Variants in ZNF93 observed in about 807,000 individuals in gnomAD.
ZNF93 encodes zinc finger protein 505.
ZNF93 carries 29 observed loss-of-function variants against 45.0 expected under a neutral mutation model. The ratio of observed to expected loss-of-function variants is 0.64; its 90% CI spans 0.48 to 0.88. The LOEUF (loss-of-function observed/expected upper bound fraction) is 0.88, where lower values mean the gene tolerates loss of function less well. Ranked by LOEUF, ZNF93 falls within the 40% of genes least tolerant of loss-of-function variation. The pLI, the probability that ZNF93 is intolerant of heterozygous loss-of-function variation, is 0.00. For synonymous variants in ZNF93, 223 were observed against 244.6 expected (o/e 0.91, Z 0.82); for missense variants, 578 against 724.0 (o/e 0.80, Z 2.31).
chr19:19,902,738 CTT>C (rs35918160), intron 1 of ZNF93, among the ~76,000 whole-genome samples: 26 of 135,606 alleles, frequency 1.9e-4, no homozygotes, highest in African/African-American at 1.9e-4. Flanking sequence ...CTGGGAGGAT[CTT>C]TTTTTTTTTT....
At chr19:19,902,512 C>T (rs1357627587) in intron 1 of ZNF93, among the ~76,000 whole-genome samples, 1 of 151,978 alleles carries the variant, frequency 6.6e-6, no homozygotes, top group Non-Finnish European at 1.5e-5. Flanking sequence ...CCTGCCTTGG[C>T]CTCCTGAAGT....
intron 3 of ZNF93, among the ~76,000 whole-genome samples, chr19:19,918,175 C>T (rs2122178426): frequency 6.6e-6 from 1 of 151,892 alleles, no homozygotes; most frequent in South Asian, 2.1e-4. Flanking sequence ...TGTTCAATTC[C>T]CACCTATGAA....
At position 19,915,461 on chromosome 19, in the gene ZNF93, T is replaced by C. The variant is rs1294205755; in HGVS notation, c.130+55T>C. 3.2e-6 allele frequency: 5 copies of C among 1,553,940 alleles called. No homozygotes were observed. The East Asian group carries it at 1.1e-4, about 35-fold the overall frequency. ...ATACACCCTAAAGGTTTTATTTCTCTTTTTTGTAGAATGTTTTTTAGTAAT... is the reference window on the plus strand; with the variant it reads ...ATACACCCTAAAGGTTTTATTTCTCCTTTTTGTAGAATGTTTTTTAGTAAT... On this transcript the variant is annotated intron_variant, in intron 2 of 3. Transcript: ENST00000343769.
intron 3 of ZNF93, among the ~76,000 whole-genome samples, chr19:19,921,388 C>T (rs1212837581): frequency 2.0e-5 from 3 of 152,028 alleles, no homozygotes; most frequent in Non-Finnish European, 4.4e-5. Flanking sequence ...GGAATAAGTG[C>T]AGTGTGGTGC....
At chr19:19,914,150 G>A (rs6511059) in intron 1 of ZNF93, among the ~76,000 whole-genome samples, 66,324 of 152,066 alleles carry the variant, frequency 0.44, 19,411 homozygotes, top group African/African-American at 0.82. Flanking sequence ...AAAGATGTGG[G>A]TACTCAAGAT....
In ZNF93 at chr19:19,933,851, C is replaced by T. The variant is rs1469795594; in HGVS notation, c.896C>T (p.Thr299Ile). 6.2e-7 allele frequency: 1 copy of T among 1,612,738 alleles called. No homozygotes were observed. The highest frequency in any genetic ancestry group is 1.3e-5 in the African/African-American group (1 of 74,604). Residue 299 changes from threonine (T) to isoleucine (I), a missense_variant, in exon 4 of 4, where the codon ACA becomes ATA. Physicochemically the swap from Thr to Ile is moderately conservative, Grantham distance 89. Coordinates refer to ENST00000343769, the MANE Select transcript of ZNF93 (RefSeq NM_031218.4). ...GGCAAAGCTTTTAACCAATCCTCAA[C>T]ACTTACTAAACATAAGAAAATTCAT... is the stretch of plus-strand genomic sequence containing the variant. Reference protein sequence around the residue: ...ECGKAFNQSSTLTKHKKIHTG... With the variant: ...ECGKAFNQSSILTKHKKIHTG...
At chr19:19,928,632 G>T (rs987513736) in intron 3 of ZNF93, among the ~76,000 whole-genome samples, 4 of 152,108 alleles carry the variant, frequency 2.6e-5, no homozygotes, top group Admixed American at 2.0e-4. Context: ...TCAAGTGATT[G>T]TTCTTTCACC....
chr19:19,927,482 CCT>C (rs1360585579), intron 3 of ZNF93, among the ~76,000 whole-genome samples: 2 of 152,080 alleles, frequency 1.3e-5, no homozygotes, highest in Non-Finnish European at 2.9e-5. Context: ...CTCATTTTAC[CCT>C]CTCTCCATAC....
intron 3 of ZNF93, chr19:19,926,986 T>A (rs1312415572): frequency 1.0e-5 from 4 of 393,994 alleles, no homozygotes; most frequent in Non-Finnish European, 1.8e-5. Context: ...ACTTTTGTGA[T>A]TTGAAGGTAA....
At chr19:19,932,041 C>A (rs998324398) in intron 3 of ZNF93, 4 of 342,834 alleles carry the variant, frequency 1.2e-5, no homozygotes, top group African/African-American at 4.6e-5. Flanking sequence ...TTTGGGAGGC[C>A]AAGGTGGGTG....
intron 3 of ZNF93, among the ~76,000 whole-genome samples, chr19:19,918,826 G>A (rs2063333048): frequency 6.6e-6 from 1 of 151,922 alleles, no homozygotes; most frequent in African/African-American, 2.4e-5. Flanking sequence ...AAATTTGTTT[G>A]AGTTCTTTGT....
At chr19:19,920,797 T>C (rs1354694002) in intron 3 of ZNF93, among the ~76,000 whole-genome samples, 2 of 152,218 alleles carry the variant, frequency 1.3e-5, no homozygotes, top group African/African-American at 2.4e-5. Flanking sequence ...GATATCCCCT[T>C]TATCATTTTT....
chr19:19,907,336 T>C (rs1175386225), intron 1 of ZNF93, among the ~76,000 whole-genome samples: 1 of 152,150 alleles, frequency 6.6e-6, no homozygotes, highest in African/African-American at 2.4e-5. Context: ...CTAAGTTCCA[T>C]TGACAGAAAC....
intron 3 of ZNF93, among the ~76,000 whole-genome samples, chr19:19,929,059 A>G (rs146191598): frequency 1.3e-5 from 2 of 152,262 alleles, no homozygotes; most frequent in East Asian, 3.9e-4. Flanking sequence ...TTTCTCATGA[A>G]TGGCTTGGTA....
chr19:19,910,434 T>A (rs2063304570), intron 1 of ZNF93, among the ~76,000 whole-genome samples: 1 of 152,120 alleles, frequency 6.6e-6, no homozygotes, highest in South Asian at 2.1e-4. Context: ...ATATATGTAA[T>A]CAATAATCGA....
Position 19,934,021 on chromosome 19 carries a change from C to T in ZNF93, c.1066C>T (p.Leu356Phe), listed in dbSNP as rs1360141291. 6.2e-7 allele frequency: 1 copy of T among 1,613,146 alleles called. No individual in the cohort carries two copies. ...CAAAGCCTTTATTGCATCCTCAACC[C>T]TTAGTAGACATGAGTTCATTCATAT... ...CGKAFIASST[L>F]SRHEFIHMGK... The change falls in exon 4 of 4, where the codon CTT (leucine) becomes TTT (phenylalanine). Residue 356 changes from leucine (L) to phenylalanine (F), a missense_variant. By Grantham distance (22) the Leu-to-Phe change is conservative. Around this residue, in one of 3 missense-constraint regions of ZNF93, gnomAD observed 446 missense variants for 547.6 expected, o/e 0.81. Coordinates refer to ENST00000343769, the MANE Select transcript of ZNF93 (RefSeq NM_031218.4).
intron 1 of ZNF93, among the ~76,000 whole-genome samples, chr19:19,915,072 A>T (rs2063319472): frequency 1.3e-5 from 2 of 152,222 alleles, no homozygotes; most frequent in African/African-American, 2.4e-5. Context: ...AATATCATAT[A>T]TGAACTGATG....
chr19:19,910,321 T>A (rs1217642694), intron 1 of ZNF93, among the ~76,000 whole-genome samples: 1 of 152,214 alleles, frequency 6.6e-6, no homozygotes, highest in Non-Finnish European at 1.5e-5. Context: ...CTTTGAACTA[T>A]GTATTCATCT....
chr19:19,904,897 T>C (rs978479403), intron 1 of ZNF93, among the ~76,000 whole-genome samples: 6 of 152,168 alleles, frequency 3.9e-5, no homozygotes, highest in African/African-American at 1.2e-4. Flanking sequence ...ACACTAGACA[T>C]TGACATGTCC....
Sources: gnomAD v4.1 joint callset for allele counts (sites outside exome capture counted in the v4.1 genomes callset) on GRCh38, gnomAD v4.1.1 for gene constraint, gnomAD v4.1.1 regional missense constraint, MANE v1.5 for transcripts, NCBI Gene and HGNC (gene_info 2026-07-23, HGNC 2026-07-21) for gene names.